Variants in DIP2B observed in about 807,000 individuals in gnomAD.
The protein encoded by DIP2B is disco-interacting protein 2 homolog B.
A neutral mutation model predicts 198.0 loss-of-function variants in DIP2B; 76 were observed. The observed-to-expected ratio is 0.38, with a 90% CI of 0.32 to 0.46. The LOEUF is 0.46. DIP2B is among the 20% of genes least tolerant of loss of function. The pLI, the probability that DIP2B is intolerant of heterozygous loss-of-function variation, is 0.99. For synonymous variants in DIP2B, 701 were observed against 739.1 expected (o/e 0.95, Z 0.84); for missense variants, 1,559 against 1,978.4 (o/e 0.79, Z 4.02).
chr12:50,633,364 G>A (rs186838088), intron 2 of DIP2B: 33 of 152,262 alleles, frequency 2.2e-4, no homozygotes, highest in African/African-American at 7.5e-4. Flanking sequence ...TTCATGATGC[G>A]TTTCATCTTT....
intron 3 of DIP2B, 77 bp from the exon 4 acceptor site, chr12:50,660,117 G>A: frequency 6.2e-6 from 8 of 1,289,438 alleles, no homozygotes; most frequent in Non-Finnish European, 8.0e-6. Context: ...AACAATTGAG[G>A]CAGTGATAGT....
In DIP2B at chr12:50,505,013, C is replaced by T. The variant is rs1260441399; in HGVS notation, c.-128C>T. On this transcript the variant is annotated 5_prime_UTR_variant, in exon 1 of 38. Coordinates refer to ENST00000301180, the MANE Select transcript of DIP2B (RefSeq NM_173602.3). Reference sequence around the variant, plus strand: ...TGACCTTTGCTCATGGCGGCGGCGGCGGCGGCGGCGGTGCTGGTGGTGCTC... The same window carrying T: ...TGACCTTTGCTCATGGCGGCGGCGGTGGCGGCGGCGGTGCTGGTGGTGCTC... 5.3e-6 allele frequency: 5 copies of T among 945,400 alleles called. No homozygotes were observed. Among genetic ancestry groups the T allele is most frequent in the African/African-American group, 1.7e-5 (1 of 58,388 alleles). The allele number at this position is 945,400 out of a possible 1,614,324, so 58.6% of individuals were successfully genotyped here.
At chr12:50,509,688 G>A (rs7964351) in intron 1 of DIP2B, among the ~76,000 whole-genome samples, 6 of 151,998 alleles carry the variant, frequency 3.9e-5, no homozygotes, top group Admixed American at 2.6e-4. Flanking sequence ...AGAGGAAAAA[G>A]GAGATGTTGG....
chr12:50,521,010 C>T (rs748566580), intron 1 of DIP2B, among the ~76,000 whole-genome samples: 6 of 151,084 alleles, frequency 4.0e-5, no homozygotes, highest in African/African-American at 4.9e-5. Flanking sequence ...GCCTGGTTGA[C>T]GTTCCTCTCA....
chr12:50,514,861 T>C (rs1035307302), intron 1 of DIP2B, among the ~76,000 whole-genome samples: 4 of 152,104 alleles, frequency 2.6e-5, no homozygotes, highest in Non-Finnish European at 5.9e-5. Context: ...TCTTGCTTTG[T>C]TGCCCAGGCT....
In DIP2B at chr12:50,545,790, C is replaced by T. The variant is rs370811471; in HGVS notation, c.100+40550C>T. The stretch of plus-strand genomic sequence containing the variant: ...AGCTGAGATTACAGGCGTGTGCCAC[C>T]GTGCCCAGCTAGTTTTTTGTATTTT... On this transcript the variant is annotated intron_variant, in intron 1 of 37. Coordinates refer to ENST00000301180, the MANE Select transcript of DIP2B (RefSeq NM_173602.3). Among the ~76,000 whole-genome samples, 6 of 151,752 alleles carry T rather than the reference C, an allele frequency of 4.0e-5. No homozygotes were observed. In the South Asian group the frequency reaches 1.0e-3, roughly 26 times the overall value.
chr12:50,688,879 C>CT (rs1192463641), intron 12 of DIP2B, among the ~76,000 whole-genome samples: 1 of 152,144 alleles, frequency 6.6e-6, no homozygotes, highest in Non-Finnish European at 1.5e-5. Context: ...GTGGCTCTTG[C>CT]TTAGCTCTCT....
chr12:50,739,764 C>G (rs963960554), intron 36 of DIP2B, among the ~76,000 whole-genome samples, 178 bp downstream of exon 36: 5 of 152,208 alleles, frequency 3.3e-5, no homozygotes, highest in Non-Finnish European at 7.3e-5. Context: ...TGAAGAGTGT[C>G]TAAGAGGTGA....
chr12:50,611,786 G>T (rs1184385790), intron 1 of DIP2B, among the ~76,000 whole-genome samples: 1 of 152,050 alleles, frequency 6.6e-6, no homozygotes, highest in African/African-American at 2.4e-5. Context: ...CCTCTCTCGG[G>T]CTTTTAGCAA....
chr12:50,613,325 C>A (rs186898126), intron 1 of DIP2B, among the ~76,000 whole-genome samples: 1 of 152,122 alleles, frequency 6.6e-6, no homozygotes, highest in African/African-American at 2.4e-5. Flanking sequence ...GTACCTAGAA[C>A]GAAATAGGCA....
chr12:50,657,086 T>TGGAAC (rs1279691737), intron 3 of DIP2B: 1 of 151,772 alleles, frequency 6.6e-6, no homozygotes, highest in Non-Finnish European at 1.5e-5. Flanking sequence ...AAATAAAAAA[T>TGGAAC]ATTTTTTAAA....
chr12:50,638,149 C>G (rs1214950486), intron 2 of DIP2B, among the ~76,000 whole-genome samples: 3 of 152,308 alleles, frequency 2.0e-5, no homozygotes, highest in South Asian at 2.1e-4. Context: ...TTGTAATAAT[C>G]AGCAAGTTGT....
At chr12:50,727,067 G>A (rs1055152334) in intron 28 of DIP2B, among the ~76,000 whole-genome samples, 1 of 152,102 alleles carries the variant, frequency 6.6e-6, no homozygotes, top group Non-Finnish European at 1.5e-5. Context: ...GCAGTGACCC[G>A]AGATCGAGCC....
chr12:50,572,296 C>T (rs1958621636), intron 1 of DIP2B, among the ~76,000 whole-genome samples: 1 of 152,162 alleles, frequency 6.6e-6, no homozygotes, highest in South Asian at 2.1e-4. Flanking sequence ...TGCCCTCCTC[C>T]CTTTTAAAAT....
intron 3 of DIP2B, among the ~76,000 whole-genome samples, chr12:50,657,677 A>G (rs964261125): frequency 6.6e-6 from 1 of 152,196 alleles, no homozygotes; most frequent in African/African-American, 2.4e-5. Flanking sequence ...TATTTCTGCC[A>G]AATTGCATAA....
chr12:50,571,431 C>T (rs1174116491), intron 1 of DIP2B, among the ~76,000 whole-genome samples: 3 of 152,128 alleles, frequency 2.0e-5, no homozygotes, highest in Non-Finnish European at 4.4e-5. Context: ...CCTTGGCCTC[C>T]CAAAGTGCTG....
chr12:50,579,717 A>G (rs868866474), intron 1 of DIP2B, among the ~76,000 whole-genome samples: 1 of 111,472 alleles, frequency 9.0e-6, no homozygotes. Context: ...ATATATATAT[A>G]TACATAGCTT....
At chr12:50,575,115 C>G (rs578210900) in intron 1 of DIP2B, among the ~76,000 whole-genome samples, 6 of 152,060 alleles carry the variant, frequency 3.9e-5, no homozygotes, top group African/African-American at 1.4e-4. Context: ...TCGACATTCT[C>G]CCCTTGGACA....
At chr12:50,651,163 C>A (rs541585663) in intron 3 of DIP2B, among the ~76,000 whole-genome samples, 1 of 152,180 alleles carries the variant, frequency 6.6e-6, no homozygotes, top group South Asian at 2.1e-4. Context: ...AGTTCTTTGC[C>A]CATTTAGAAA....
Sources: allele counts gnomAD v4.1 joint callset (sites outside exome capture counted in the v4.1 genomes callset), GRCh38; gene constraint gnomAD v4.1.1; transcripts MANE v1.5; gene names NCBI Gene and HGNC (gene_info 2026-07-23, HGNC 2026-07-21).